CLPX: variants seen among roughly 807,000 people sequenced by gnomAD.
The protein encoded by CLPX is ATP-dependent clpX-like chaperone, mitochondrial.
CLPX carries 34 observed loss-of-function variants against 76.4 expected under a neutral mutation model. That is an observed-to-expected ratio of 0.45 (90% CI 0.34 to 0.59). CLPX has a LOEUF of 0.59. Ranked by LOEUF, CLPX falls within the 20% of genes least tolerant of loss-of-function variation. The pLI is 0.01. For missense variants in CLPX, 613 were observed against 757.0 expected, an observed-to-expected ratio of 0.81 and a Z score of 2.23; for synonymous variants, 248 against 270.9, an observed-to-expected ratio of 0.92 and a Z score of 0.83.
chr15:65,153,188 G>C (rs1321132992), intron 12 of CLPX, among the ~76,000 whole-genome samples: 5 of 150,942 alleles, frequency 3.3e-5, no homozygotes. Flanking sequence ...GGTGGCTCAC[G>C]CCTGTAATCC....
chr15:65,169,043 A>C (rs1298342218), intron 3 of CLPX, among the ~76,000 whole-genome samples: 1 of 132,158 alleles, frequency 7.6e-6, no homozygotes, highest in East Asian at 2.2e-4. Context: ...TTTTTTTTTG[A>C]GATGGAGTCT....
chr15:65,173,321 A>G (rs1002204328), intron 3 of CLPX, among the ~76,000 whole-genome samples: 4 of 146,660 alleles, frequency 2.7e-5, no homozygotes, highest in African/African-American at 1.0e-4. Context: ...GAGCCGAGAT[A>G]GTGCCACCGC....
intron 3 of CLPX, among the ~76,000 whole-genome samples, chr15:65,175,029 T>C (rs2088070865): frequency 6.6e-6 from 1 of 152,200 alleles, no homozygotes; most frequent in Non-Finnish European, 1.5e-5. Context: ...GTCTATTCTT[T>C]TCTCATAAAG....
chr15:65,180,164 C>A lies in CLPX; in HGVS notation c.120G>T (p.Arg40Ser), dbSNP rs777382462. 6.2e-7 allele frequency: 1 copy of A among 1,607,612 alleles called. No individual in the cohort carries two copies. Among genetic ancestry groups the A allele is most frequent in the Non-Finnish European group, 8.5e-7 (1 of 1,176,412 alleles). ...GAATCTGAGTTTCAAATGTCCCAAG[C>A]CTTCCTAAAACTGACATATGAATGC... ...GGRIHMSVLG[R>S]LGTFETQILQ... Residue 40 changes from arginine (R) to serine (S), a missense_variant, in exon 2 of 14, where the codon AGG becomes AGT. Coordinates refer to ENST00000300107, the MANE Select transcript of CLPX (RefSeq NM_006660.5).
intron 1 of CLPX, among the ~76,000 whole-genome samples, chr15:65,183,595 AAAAG>A (rs773164877): frequency 1.9e-4 from 29 of 152,196 alleles, no homozygotes; most frequent in South Asian, 1.9e-3. Context: ...AAAGAAAAGA[AAAAG>A]AAAGAAAACA....
chr15:65,153,880 C>T (rs17805328), intron 11 of CLPX, among the ~76,000 whole-genome samples: 6,267 of 152,186 alleles, frequency 0.041, 214 homozygotes, highest in Non-Finnish European at 0.064. Context: ...TACTAAACCT[C>T]TGTGTGTTAC....
intron 2 of CLPX, 89 bp from the exon 3 acceptor site, chr15:65,179,140 A>C (rs2088129684): frequency 6.0e-6 from 4 of 661,720 alleles, no homozygotes; most frequent in African/African-American, 1.8e-5. Context: ...TTTGTAATTA[A>C]TTTTATAATC....
In CLPX at chr15:65,175,331, C is replaced by A. The variant is rs150250302; in HGVS notation, c.358+3603G>T. ...TGAAACCCCGTCTCTACTAAAAATA[C>A]AAAAATTAGCCTGGCATGGTGGTGG... On this transcript the variant is annotated intron_variant, in intron 3 of 13. Transcript: ENST00000300107. Among the ~76,000 whole-genome samples, 848 of 152,102 alleles carry A rather than the reference C, an allele frequency of 5.6e-3. 5 individuals are homozygous for A. Among genetic ancestry groups the A allele is most frequent in the Middle Eastern group, 0.014 (4 of 294 alleles).
At chr15:65,173,928 T>C (rs560212091) in intron 3 of CLPX, among the ~76,000 whole-genome samples, 2 of 152,002 alleles carry the variant, frequency 1.3e-5, no homozygotes, top group Non-Finnish European at 2.9e-5. Context: ...TGATGAAAAA[T>C]GTTCTGGAAT....
chr15:65,183,128 C>A (rs1442219678), intron 1 of CLPX, among the ~76,000 whole-genome samples: 1 of 150,624 alleles, frequency 6.6e-6, no homozygotes, highest in Non-Finnish European at 1.5e-5. Flanking sequence ...CGCGCTACTG[C>A]ACTCCAGCCC....
intron 1 of CLPX, chr15:65,184,356 A>G (rs556415204): frequency 6.6e-6 from 1 of 152,396 alleles, no homozygotes; most frequent in African/African-American, 2.4e-5. Context: ...CGCCACTCTT[A>G]GGAAACTACC....
intron 1 of CLPX, among the ~76,000 whole-genome samples, chr15:65,183,562 A>AAGGAAGGAAGGAAGG (rs1307872817): frequency 6.8e-6 from 1 of 147,386 alleles, no homozygotes; most frequent in African/African-American, 2.6e-5. Flanking sequence ...GAAGGAAGGA[A>AAGGAAGGAAGGAAGG]AGGAAGGAAG....
Position 65,164,189 on chromosome 15 carries a change from C to G in CLPX, c.514-1G>C. 6.2e-7 allele frequency: 1 copy of G among 1,603,332 alleles called. No individual in the cohort carries two copies. ...CATACTTGTCGAGGTAGTTATAAAT[C>G]TGAAAAATGATTAGGTATGAATAAT... is the stretch of plus-strand genomic sequence containing the variant. On this transcript the variant is annotated splice_acceptor_variant, in intron 4 of 13. Transcript: ENST00000300107. LOFTEE classifies it high-confidence loss of function.
Position 65,164,143 on chromosome 15 carries a change from T to A in CLPX, c.559A>T (p.Lys187Ter). The change falls in exon 5 of 14, where the codon AAG becomes TAG. Residue 187 changes from lysine (K) to a stop codon, truncating the protein, a stop_gained. Coordinates refer to ENST00000300107, the MANE Select transcript of CLPX (RefSeq NM_006660.5). LOFTEE classifies it high-confidence loss of function. ...DKYVVGQSFA[K>*]KVLSVAVYNH... is the part of the protein sequence containing the mutation. ...TACACAGCAACTGAAAGCACCTTCT[T>A]AGCAAATGACTGGCCAACAACATAC... 6.2e-7 allele frequency: 1 copy of A among 1,612,904 alleles called. No individual in the cohort carries two copies. The highest frequency in any genetic ancestry group is 2.2e-5 in the East Asian group (1 of 44,784).
intron 4 of CLPX, among the ~76,000 whole-genome samples, chr15:65,165,283 T>C (rs2087895884): frequency 1.3e-5 from 2 of 151,604 alleles, no homozygotes; most frequent in South Asian, 4.2e-4. Flanking sequence ...GAACCATGAG[T>C]GTGCCACTGC....
Position 65,180,091 on chromosome 15 carries a change from C to A in CLPX, c.193G>T (p.Ala65Ser), listed in dbSNP as rs147317582. 2.0e-4 allele frequency: 320 copies of A among 1,611,042 alleles called. No homozygotes were observed. Among genetic ancestry groups the A allele is most frequent in the Non-Finnish European group, 2.6e-4 (305 of 1,178,462 alleles). ...TCTTTACTTATCCCATCTTTTGAGG[C>A]AAAGTATGCTGGTGTTTCTGTAAAG... ...RSFTETPAYFASKDGISKDGS... is the reference protein window; with the variant it reads ...RSFTETPAYFSSKDGISKDGS... Residue 65 changes from alanine (A) to serine (S), a missense_variant, in exon 2 of 14, where the codon GCC becomes TCC. Physicochemically the swap from Ala to Ser is moderately conservative, Grantham distance 99. Transcript: ENST00000300107.
chr15:65,181,211 A>C (rs1288351998), intron 1 of CLPX, among the ~76,000 whole-genome samples: 8 of 151,446 alleles, frequency 5.3e-5, no homozygotes, highest in Admixed American at 2.6e-4. Flanking sequence ...AAAAAAAAAA[A>C]GTTCTTTAAA....
intron 3 of CLPX, among the ~76,000 whole-genome samples, chr15:65,170,949 A>G (rs928532695): frequency 1.3e-5 from 2 of 148,372 alleles, no homozygotes; most frequent in African/African-American, 5.0e-5. Flanking sequence ...CAGCCTCTGG[A>G]GTAGCTGGGA....
chr15:65,169,155 C>A (rs1367736531), intron 3 of CLPX, among the ~76,000 whole-genome samples: 2 of 151,962 alleles, frequency 1.3e-5, no homozygotes, highest in African/African-American at 2.4e-5. Flanking sequence ...TCCCGAGTAG[C>A]TGGGACTACA....
Sources: allele counts gnomAD v4.1 joint callset (sites outside exome capture counted in the v4.1 genomes callset), GRCh38; gene constraint gnomAD v4.1.1; transcripts MANE v1.5; gene names NCBI Gene and HGNC (gene_info 2026-07-23, HGNC 2026-07-21).